Variants in TRIM61 observed in about 807,000 individuals in gnomAD.
The protein encoded by TRIM61 is putative tripartite motif-containing protein 61.
In TRIM61, 1 loss-of-function variant was observed where a neutral mutation model predicts 14.2. The ratio of observed to expected loss-of-function variants is 0.07; its 90% CI spans 0.03 to 0.33. The LOEUF (loss-of-function observed/expected upper bound fraction) is 0.33, where lower values mean the gene tolerates loss of function less well. TRIM61 is among the 10% of genes least tolerant of loss of function. The pLI is 0.99. For synonymous variants in TRIM61, 8 were observed against 71.6 expected (o/e 0.11, Z 4.49); for missense variants, 19 against 202.2 (o/e 0.09, Z 5.49).
intron 3 of TRIM61, among the ~76,000 whole-genome samples, chr4:164,963,541 C>T (rs531983286): frequency 6.6e-6 from 1 of 151,810 alleles, no homozygotes; most frequent in Non-Finnish European, 1.5e-5. Context: ...GTCAGGAGTT[C>T]GAGACCAGCC....
chr4:164,955,568 C>CAAAAAAAAAAAAAAAAAA (rs10716862), intron 3 of TRIM61, among the ~76,000 whole-genome samples: 4 of 77,234 alleles, frequency 5.2e-5, no homozygotes, highest in African/African-American at 8.6e-5. Context: ...GATTCAGTCT[C>CAAAAAAAAAAAAAAAAAA]AAAAAAAAAA....
intron 3 of TRIM61, among the ~76,000 whole-genome samples, chr4:164,965,541 C>T (rs558637776): frequency 2.1e-5 from 3 of 142,964 alleles, no homozygotes; most frequent in Non-Finnish European, 4.5e-5. Flanking sequence ...TCAAGTGATT[C>T]TCCTGCCTCA....
chr4:164,975,223 T>TC (rs538743069), intron 2 of TRIM61, among the ~76,000 whole-genome samples: 63 of 142,520 alleles, frequency 4.4e-4, no homozygotes, highest in African/African-American at 1.5e-3. Flanking sequence ...AGAGGAAAAC[T>TC]CCATCTTAAA....
chr4:164,965,922 C>T (rs1052900300), intron 3 of TRIM61, among the ~76,000 whole-genome samples: 5 of 151,600 alleles, frequency 3.3e-5, no homozygotes, highest in African/African-American at 7.3e-5. Flanking sequence ...TCCCATGAAC[C>T]TTACTAGAAA....
At chr4:164,968,486 C>T (rs1732289424) in intron 3 of TRIM61, 2 of 705,430 alleles carry the variant, frequency 2.8e-6, no homozygotes, top group African/African-American at 4.1e-5. Context: ...AAAAATATTG[C>T]TTTCTTATGG....
At chr4:164,972,677 C>T (rs975392136) in intron 2 of TRIM61, among the ~76,000 whole-genome samples, 1 of 152,174 alleles carries the variant, frequency 6.6e-6, no homozygotes. Context: ...TTAGTGGAGA[C>T]AGGGTTTCGC....
intron 2 of TRIM61, among the ~76,000 whole-genome samples, chr4:164,973,579 C>T (rs1732419627): frequency 6.6e-6 from 1 of 152,196 alleles, no homozygotes; most frequent in African/African-American, 2.4e-5. Flanking sequence ...AACTCTAACA[C>T]TTAGCTAGCT....
At chr4:164,959,357 T>C (rs918881139) in intron 3 of TRIM61, among the ~76,000 whole-genome samples, 5 of 152,074 alleles carry the variant, frequency 3.3e-5, no homozygotes, top group African/African-American at 1.2e-4. Flanking sequence ...TTCTGTCTTA[T>C]GTCCAGAGGT....
chr4:164,976,229 C>T (rs1315696769), intron 2 of TRIM61, among the ~76,000 whole-genome samples: 1 of 152,160 alleles, frequency 6.6e-6, no homozygotes, highest in South Asian at 2.1e-4. Flanking sequence ...ACTCAGAGGC[C>T]GGTGCCGGTG....
At chr4:164,968,434 T>C in intron 3 of TRIM61, 9 of 984,994 alleles carry the variant, frequency 9.1e-6, no homozygotes, top group Non-Finnish European at 1.1e-5. Flanking sequence ...ATAAAGTAGG[T>C]CCCATAATCA....
intron 3 of TRIM61, chr4:164,968,436 C>T (rs1188258942): frequency 3.1e-5 from 31 of 984,660 alleles, no homozygotes; most frequent in Non-Finnish European, 3.5e-5. Flanking sequence ...AAAGTAGGTC[C>T]CATAATCACA....
intron 3 of TRIM61, among the ~76,000 whole-genome samples, chr4:164,965,483 G>C (rs1489055922): frequency 7.0e-6 from 1 of 143,240 alleles, no homozygotes; most frequent in Non-Finnish European, 1.5e-5. Flanking sequence ...ACCCAGGCTG[G>C]AGTGCAGTGG....
At chr4:164,959,628 C>A (rs982018977) in intron 3 of TRIM61, among the ~76,000 whole-genome samples, 2 of 151,508 alleles carry the variant, frequency 1.3e-5, no homozygotes, top group South Asian at 4.1e-4. Flanking sequence ...ATCAGAACAT[C>A]AGAGAACACA....
intron 2 of TRIM61, among the ~76,000 whole-genome samples, chr4:164,976,471 A>C (rs566317027): frequency 6.6e-6 from 1 of 152,280 alleles, no homozygotes; most frequent in Non-Finnish European, 1.5e-5. Context: ...ACTATTTAAA[A>C]TCAGGACATT....
intron 3 of TRIM61, among the ~76,000 whole-genome samples, chr4:164,962,987 A>T (rs1339657074): frequency 2.6e-5 from 4 of 152,204 alleles, no homozygotes; most frequent in Non-Finnish European, 5.9e-5. Context: ...ATTTAAAAAT[A>T]TATACTATAA....
At chr4:164,962,470 C>T (rs531921311) in intron 3 of TRIM61, among the ~76,000 whole-genome samples, 2 of 151,878 alleles carry the variant, frequency 1.3e-5, no homozygotes, top group East Asian at 1.9e-4. Context: ...GTCTCGATCT[C>T]CTGACCTCGT....
At chr4:164,975,290 T>C (rs1443594517) in intron 2 of TRIM61, among the ~76,000 whole-genome samples, 1 of 150,324 alleles carries the variant, frequency 6.7e-6, no homozygotes, top group Non-Finnish European at 1.5e-5. Context: ...AGAGCATCAT[T>C]GCAAAAAATG....
At chr4:164,956,820 G>C in intron 3 of TRIM61, 1 of 571,542 alleles carries the variant, frequency 1.7e-6, no homozygotes, top group South Asian at 2.6e-5. Context: ...CTTTCTCACA[G>C]AACACAAGGC....
rs1331436252 is a variant in TRIM61, at chr4:164,957,611, A to G, written c.526-2515T>C. 3.5e-6 allele frequency: 4 copies of G among 1,138,624 alleles called. No homozygotes were observed. The African/African-American group carries it at 4.7e-5, about 13-fold the overall frequency. The allele number at this position is 1,138,624 out of a possible 1,614,324, so 70.5% of individuals were successfully genotyped here. Reference sequence around the variant, plus strand: ...CAATCGTTATGTTAACTAAAAATACATGAATGCTACCGAAGATAGTCGAAT... The same window carrying G: ...CAATCGTTATGTTAACTAAAAATACGTGAATGCTACCGAAGATAGTCGAAT... On this transcript the variant is annotated intron_variant, in intron 3 of 4. Transcript: ENST00000329314.
Sources: allele counts gnomAD v4.1 joint callset (sites outside exome capture counted in the v4.1 genomes callset), GRCh38; gene constraint gnomAD v4.1.1; transcripts MANE v1.5; gene names NCBI Gene and HGNC (gene_info 2026-07-23, HGNC 2026-07-21).